BCL11B: variants seen among roughly 807,000 people sequenced by gnomAD.
The protein encoded by BCL11B is B-cell lymphoma/leukemia 11B.
BCL11B carries 8 observed loss-of-function variants against 49.9 expected under a neutral mutation model. That is an observed-to-expected ratio of 0.16 (90% CI 0.09 to 0.29). BCL11B has a LOEUF of 0.29. BCL11B is among the 10% of genes least tolerant of loss of function. BCL11B has a pLI of 1.00. For synonymous variants in BCL11B, 739 were observed against 637.4 expected (o/e 1.16, Z -2.40); for missense variants, 1,006 against 1,351.0 (o/e 0.74, Z 4.00).
intron 2 of BCL11B, among the ~76,000 whole-genome samples, chr14:99,255,448 G>C (rs1174906192): frequency 3.3e-5 from 5 of 151,306 alleles, no homozygotes; most frequent in Admixed American, 6.6e-5. Flanking sequence ...GGGGGGCCAG[G>C]GGGTGGAAGG....
At chr14:99,190,715 A>C (rs1396421499) in intron 3 of BCL11B, among the ~76,000 whole-genome samples, 1 of 152,204 alleles carries the variant, frequency 6.6e-6, no homozygotes, top group Non-Finnish European at 1.5e-5. Flanking sequence ...TCCATTCACC[A>C]ATAAGGCTAT....
rs1338541242 is a variant in BCL11B, at chr14:99,171,938, G to A, written c.*2213C>T. 5.1e-6 allele frequency: 1 copy of A among 197,030 alleles called. No individual in the cohort carries two copies. Among genetic ancestry groups the A allele is most frequent in the African/African-American group, 2.3e-5 (1 of 43,024 alleles). 12.2% of individuals were successfully genotyped at this position (197,030 alleles called of 1,614,324 possible). A position where few individuals can be genotyped will look rare whatever the true frequency, so the allele number is the denominator to read the frequency against. On this transcript the variant is annotated 3_prime_UTR_variant, in exon 4 of 4. Coordinates refer to ENST00000357195, the MANE Select transcript of BCL11B (RefSeq NM_138576.4). ...ACTGGTCCACTTTTACAGTAATCAA[G>A]AAATTTTAATATATATAATATATAC...
chr14:99,172,933 T>G lies in BCL11B; in HGVS notation c.*1218A>C, dbSNP rs1152781. The G allele has an allele frequency of 0.25, 53,725 of 218,508 alleles. 7,397 individuals carry two copies. The highest frequency in any genetic ancestry group is 0.3 in the Middle Eastern group (208 of 700). The allele number at this position is 218,508 out of a possible 1,614,324, so 13.5% of individuals were successfully genotyped here. On this transcript the variant is annotated 3_prime_UTR_variant, in exon 4 of 4. Coordinates refer to ENST00000357195, the MANE Select transcript of BCL11B (RefSeq NM_138576.4). The stretch of plus-strand genomic sequence containing the variant: ...TTTTTCAGTAAAAGAGAATAGAAAT[T>G]TGCAAGATCCCCACCCCACCCATCC...
chr14:99,234,732 C>T (rs1888439423), intron 2 of BCL11B, among the ~76,000 whole-genome samples: 1 of 152,010 alleles, frequency 6.6e-6, no homozygotes, highest in African/African-American at 2.4e-5. Flanking sequence ...CCCTATGGTC[C>T]TTTCCAAGGC....
chr14:99,229,880 C>T (rs372465673), intron 3 of BCL11B, among the ~76,000 whole-genome samples: 3 of 152,052 alleles, frequency 2.0e-5, no homozygotes, highest in African/African-American at 7.2e-5. Context: ...CAAGCAGGGC[C>T]TTCCACAGAC....
At chr14:99,254,687 T>G (rs1889106102) in intron 2 of BCL11B, among the ~76,000 whole-genome samples, 1 of 152,208 alleles carries the variant, frequency 6.6e-6, no homozygotes, top group Admixed American at 6.5e-5. Flanking sequence ...ATTGGAGGAC[T>G]CCTTGGAGCC....
At chr14:99,264,753 A>C (rs1889433709) in intron 1 of BCL11B, 1 of 152,248 alleles carries the variant, frequency 6.6e-6, no homozygotes. Flanking sequence ...GCCAGCAAAA[A>C]ACAAGGCTGC....
chr14:99,257,068 G>A lies in BCL11B; in HGVS notation c.427+403C>T, dbSNP rs887846360. Among the ~76,000 whole-genome samples, 5 of 152,170 alleles carry A rather than the reference G, an allele frequency of 3.3e-5. No individual in the cohort carries two copies. Among genetic ancestry groups the A allele is most frequent in the African/African-American group, 9.7e-5 (4 of 41,442 alleles). The stretch of plus-strand genomic sequence containing the variant: ...TGGGTTTCCTTAGCTCCATTTCACA[G>A]ATGGGCAAACTAACATGTCCAAGTT... On this transcript the variant is annotated intron_variant, in intron 2 of 3. Transcript: ENST00000357195. The surrounding 1 kb of genome is among the most constrained non-coding windows in gnomAD (Gnocchi z 6.2).
chr14:99,257,867 G>A lies in BCL11B; in HGVS notation c.59-28C>T. On this transcript the variant is annotated intron_variant, in intron 1 of 3. Coordinates refer to ENST00000357195, the MANE Select transcript of BCL11B (RefSeq NM_138576.4). This position sits in a 1 kb window ranked among gnomAD's most constrained non-coding sequence, Gnocchi z 6.2. Reference sequence around the variant, plus strand: ...GGAGACAGAAAGAAGAAAGGGAAGGGGCAGAGAAGATAGAGATGGGCTTAG... The same window carrying A: ...GGAGACAGAAAGAAGAAAGGGAAGGAGCAGAGAAGATAGAGATGGGCTTAG... 6.7e-7 allele frequency: 1 copy of A among 1,491,690 alleles called. No homozygotes were observed. The highest frequency in any genetic ancestry group is 1.4e-5 in the South Asian group (1 of 70,102). 92.4% of individuals were successfully genotyped at this position (1,491,690 alleles called of 1,614,324 possible). A position where few individuals can be genotyped will look rare whatever the true frequency, so the allele number is the denominator to read the frequency against.
At chr14:99,211,997 GT>G (rs762990083) in intron 3 of BCL11B, among the ~76,000 whole-genome samples, 2 of 151,982 alleles carry the variant, frequency 1.3e-5, no homozygotes. Flanking sequence ...AGAAGAGTTG[GT>G]TCCAAACTCA....
At position 99,169,746 on chromosome 14, in the gene BCL11B, C is replaced by T. The variant is rs1886227096; in HGVS notation, c.*4405G>A. On this transcript the variant is annotated 3_prime_UTR_variant, in exon 4 of 4. Coordinates refer to ENST00000357195, the MANE Select transcript of BCL11B (RefSeq NM_138576.4). Reference sequence around the variant, plus strand: ...AGGAGCACCAAAATCACGGGTTTGCCTGTGTTCCACGAGACCTTCGGCTGA... The same window carrying T: ...AGGAGCACCAAAATCACGGGTTTGCTTGTGTTCCACGAGACCTTCGGCTGA... 4.5e-6 allele frequency: 1 copy of T among 224,188 alleles called. No homozygotes were observed. The highest frequency in any genetic ancestry group is 2.2e-5 in the African/African-American group (1 of 44,794). 13.9% of individuals were successfully genotyped at this position (224,188 alleles called of 1,614,324 possible). A position where few individuals can be genotyped will look rare whatever the true frequency, so the allele number is the denominator to read the frequency against.
At chr14:99,189,654 C>T (rs936221073) in intron 3 of BCL11B, among the ~76,000 whole-genome samples, 15 of 152,196 alleles carry the variant, frequency 9.9e-5, no homozygotes, top group African/African-American at 3.6e-4. Flanking sequence ...AGCAGCTGTG[C>T]CCATTGGTTC....
chr14:99,204,802 G>A (rs1038546591), intron 3 of BCL11B, among the ~76,000 whole-genome samples: 15 of 152,198 alleles, frequency 9.9e-5, no homozygotes, highest in Non-Finnish European at 1.5e-4. Context: ...TCTTCCTTCC[G>A]TCCTTGGGTC....
In BCL11B at chr14:99,195,627, G is replaced by A. The variant is rs570244335; in HGVS notation, c.641-19432C>T. Among the ~76,000 whole-genome samples the A allele has an allele frequency of 2.0e-5, 3 of 152,190 alleles. No homozygotes were observed. The highest frequency in any genetic ancestry group is 3.9e-4 in the East Asian group (2 of 5,162). ...CTCAGAGAGGTAAAGCAACCCACCC[G>A]AGGATACACAGCTTACATCCATCCC... On this transcript the variant is annotated intron_variant, in intron 3 of 3. Transcript: ENST00000357195. This position sits in a 1 kb window ranked among gnomAD's most constrained non-coding sequence, Gnocchi z 4.7.
At chr14:99,255,405 GA>G (rs67440207) in intron 2 of BCL11B, among the ~76,000 whole-genome samples, 27,702 of 65,426 alleles carry the variant, frequency 0.42, 4,836 homozygotes, top group East Asian at 0.5. Context: ...TCACAACCTG[GA>G]AAAAAAAAAA....
chr14:99,239,044 G>C (rs1888589835), intron 2 of BCL11B, among the ~76,000 whole-genome samples: 1 of 152,218 alleles, frequency 6.6e-6, no homozygotes. Flanking sequence ...ACGTGGACAT[G>C]TTAAGATGTC....
intron 3 of BCL11B, among the ~76,000 whole-genome samples, chr14:99,230,727 T>TGTCTGG (rs899228566): frequency 6.6e-6 from 1 of 152,130 alleles, no homozygotes; most frequent in African/African-American, 2.4e-5. Flanking sequence ...CAAACAGCTG[T>TGTCTGG]GTCTGGGTCT....
intron 3 of BCL11B, among the ~76,000 whole-genome samples, chr14:99,180,564 C>A (rs1886672091): frequency 1.3e-5 from 2 of 152,204 alleles, no homozygotes. Flanking sequence ...ATTCATTTAA[C>A]CTCTCTGAGG....
chr14:99,256,321 C>T (rs985708115), intron 2 of BCL11B, among the ~76,000 whole-genome samples: 17 of 152,176 alleles, frequency 1.1e-4, no homozygotes, highest in Admixed American at 2.0e-4. Flanking sequence ...AGAAGTGCCA[C>T]GGGCAAAAGA....
Sources: allele counts gnomAD v4.1 joint callset (sites outside exome capture counted in the v4.1 genomes callset), GRCh38; gene constraint gnomAD v4.1.1; non-coding constraint Gnocchi (gnomAD v3.1); transcripts MANE v1.5; gene names NCBI Gene and HGNC (gene_info 2026-07-23, HGNC 2026-07-21).